Variants in ZFHX3 observed in about 807,000 individuals in gnomAD.
ZFHX3 encodes the protein zinc finger homeobox 3, also known as zinc finger homeobox protein 3.
Under a neutral mutation model 279.1 loss-of-function variants are expected in ZFHX3, and 42 were observed. That is an observed-to-expected ratio of 0.15 (90% CI 0.12 to 0.19). ZFHX3 has a LOEUF of 0.19. Among genes scored for constraint, ZFHX3 ranks in the 10% least tolerant of loss-of-function variants. The pLI is 1.00. For missense variants in ZFHX3, 4,981 were observed against 4,754.0 expected, an observed-to-expected ratio of 1.05 and a Z score of -1.40; for synonymous variants, 2,293 against 1,957.8, an observed-to-expected ratio of 1.17 and a Z score of -4.52.
chr16:73,037,716 C>T (rs1964963110), intron 1 of ZFHX3, among the ~76,000 whole-genome samples: 1 of 152,140 alleles, frequency 6.6e-6, no homozygotes, highest in Non-Finnish European at 1.5e-5. Flanking sequence ...CAGCCCAGGG[C>T]ACCCAGGAGC....
intron 2 of ZFHX3, among the ~76,000 whole-genome samples, chr16:73,653,668 GA>G (rs898362150): frequency 2.0e-5 from 3 of 150,726 alleles, no homozygotes; most frequent in East Asian, 1.9e-4. Flanking sequence ...TGTAAAAATA[GA>G]AAAAAAACCC....
At chr16:73,632,583 G>A (rs2052485562) in intron 2 of ZFHX3, among the ~76,000 whole-genome samples, 1 of 151,812 alleles carries the variant, frequency 6.6e-6, no homozygotes, top group African/African-American at 2.4e-5. Context: ...CTACTCAGGA[G>A]ACTGAGGCAG....
intron 2 of ZFHX3, among the ~76,000 whole-genome samples, chr16:73,604,636 C>G (rs1437078934): frequency 6.6e-6 from 1 of 151,746 alleles, no homozygotes; most frequent in Non-Finnish European, 1.5e-5. Context: ...ATCCCAGCTA[C>G]TTGGGAGGCT....
intron 1 of ZFHX3, among the ~76,000 whole-genome samples, chr16:73,021,524 G>C (rs374403058): frequency 2.0e-5 from 3 of 152,030 alleles, no homozygotes; most frequent in Admixed American, 1.3e-4. Flanking sequence ...AGACTAGATC[G>C]GGGTAGGCCT....
At chr16:73,159,604 A>G (rs866742893) in intron 5 of ZFHX3, among the ~76,000 whole-genome samples, 5 of 152,124 alleles carry the variant, frequency 3.3e-5, no homozygotes, top group Admixed American at 6.5e-5. Flanking sequence ...GGTCAAGCCA[A>G]CTCAGACTCG....
chr16:73,510,710 C>A (rs2019413979), intron 2 of ZFHX3, among the ~76,000 whole-genome samples: 1 of 152,216 alleles, frequency 6.6e-6, no homozygotes, highest in Non-Finnish European at 1.5e-5. Flanking sequence ...CATACAGCAG[C>A]TCAGATTTCT....
At chr16:73,746,184 T>C (rs1428121040) in intron 1 of ZFHX3, among the ~76,000 whole-genome samples, 4 of 152,152 alleles carry the variant, frequency 2.6e-5, no homozygotes, top group Admixed American at 6.5e-5. Context: ...ATCCTGCCGC[T>C]GTTGCTCCAC....
At chr16:73,403,133 G>C (rs926920206) in intron 3 of ZFHX3, among the ~76,000 whole-genome samples, 1 of 152,166 alleles carries the variant, frequency 6.6e-6, no homozygotes, top group East Asian at 1.9e-4. Flanking sequence ...GATTGGAACT[G>C]AGTAAGGAAG....
intron 3 of ZFHX3, among the ~76,000 whole-genome samples, chr16:73,345,377 A>C (rs1010045362): frequency 2.0e-5 from 3 of 151,420 alleles, no homozygotes; most frequent in African/African-American, 7.3e-5. Flanking sequence ...ATTTTTCCTG[A>C]TGCTCTCCCT....
intron 2 of ZFHX3, among the ~76,000 whole-genome samples, chr16:73,593,055 C>A (rs1007049303): frequency 6.6e-6 from 1 of 151,656 alleles, no homozygotes; most frequent in Non-Finnish European, 1.5e-5. Flanking sequence ...TACAACTTAC[C>A]AAAAATGGTC....
At chr16:73,667,114 C>A (rs1234780412) in intron 2 of ZFHX3, among the ~76,000 whole-genome samples, 1 of 152,062 alleles carries the variant, frequency 6.6e-6, no homozygotes, top group Non-Finnish European at 1.5e-5. Context: ...GCCTCAGCCT[C>A]CCAAGTAGCT....
chr16:73,373,151 G>A (rs963056799), intron 3 of ZFHX3, among the ~76,000 whole-genome samples: 4 of 147,398 alleles, frequency 2.7e-5, no homozygotes, highest in Admixed American at 1.3e-4. Flanking sequence ...TTGGGGGGGG[G>A]GTGGTTCCAA....
intron 3 of ZFHX3, among the ~76,000 whole-genome samples, chr16:73,439,728 G>T (rs2018053691): frequency 6.6e-6 from 1 of 151,916 alleles, no homozygotes; most frequent in African/African-American, 2.4e-5. Context: ...GATCTGCTTT[G>T]ATTTCTTTTT....
chr16:73,049,680 G>A (rs1469948284), upstream of ZFHX3, among the ~76,000 whole-genome samples: 1 of 152,168 alleles, frequency 6.6e-6, no homozygotes, highest in African/African-American at 2.4e-5. Flanking sequence ...GAGGGCACAA[G>A]CCCAATTCAG....
At chr16:73,140,971 A>C (rs1253050786) in intron 6 of ZFHX3, among the ~76,000 whole-genome samples, 3 of 152,174 alleles carry the variant, frequency 2.0e-5, no homozygotes, top group Non-Finnish European at 4.4e-5. Flanking sequence ...CCTCTCTTTG[A>C]CTTCTCTCTA....
intron 2 of ZFHX3, among the ~76,000 whole-genome samples, chr16:73,538,979 T>C (rs2019960180): frequency 6.6e-6 from 1 of 152,124 alleles, no homozygotes. Flanking sequence ...CTGTAACACA[T>C]GAGGCAGGAG....
chr16:73,458,312 CCCTTCCTCCCTCACTT>C (rs2018410226), intron 2 of ZFHX3, among the ~76,000 whole-genome samples: 1 of 146,620 alleles, frequency 6.8e-6, no homozygotes, highest in Non-Finnish European at 1.5e-5. Flanking sequence ...TTCTTTCCCT[CCCTTCCTCCCTCACTT>C]CCTCCCTCCC....
At chr16:73,515,670 T>C (rs1489854296) in intron 2 of ZFHX3, among the ~76,000 whole-genome samples, 1 of 152,132 alleles carries the variant, frequency 6.6e-6, no homozygotes, top group Non-Finnish European at 1.5e-5. Context: ...AAGTACGTAA[T>C]ACTGAAGAGG....
chr16:73,514,473 T>C (rs2019486634), intron 2 of ZFHX3, among the ~76,000 whole-genome samples: 1 of 151,994 alleles, frequency 6.6e-6, no homozygotes, highest in African/African-American at 2.4e-5. Flanking sequence ...GTCCCATCAT[T>C]ATTATTATTA....
Sources: allele counts gnomAD v4.1 joint callset (sites outside exome capture counted in the v4.1 genomes callset), GRCh38; gene constraint gnomAD v4.1.1; transcripts MANE v1.5; gene names NCBI Gene and HGNC (gene_info 2026-07-23, HGNC 2026-07-21).